SWAP70: variants seen among roughly 807,000 people sequenced by gnomAD.
SWAP70 encodes the protein switch-associated protein 70.
In SWAP70, 34 loss-of-function variants were observed where a neutral mutation model predicts 80.2. The observed-to-expected ratio is 0.42, with a 90% CI of 0.32 to 0.56. The LOEUF is 0.56. SWAP70 is among the 20% of genes least tolerant of loss of function. The pLI is 0.09. For synonymous variants in SWAP70, 239 were observed against 238.5 expected, an observed-to-expected ratio of 1.00 and a Z score of -0.02; for missense variants, 578 against 690.7, an observed-to-expected ratio of 0.84 and a Z score of 1.83.
At position 9,751,538 on chromosome 11, in the gene SWAP70, C is replaced by A. The variant is rs1040250572; in HGVS notation, c.*1568C>A. The A allele has an allele frequency of 6.6e-6, 1 of 152,146 alleles. No homozygotes were observed. The highest frequency in any genetic ancestry group is 2.4e-5 in the African/African-American group (1 of 41,432). The allele number at this position is 152,146 out of a possible 1,614,324, so 9.4% of individuals were successfully genotyped here. A position where few individuals can be genotyped will look rare whatever the true frequency, so the allele number is the denominator to read the frequency against. ...GGGCAGAATTCAGTAGAATAAAGTCCTTTTCTCTTACAGGTATTAAATGAG... is the reference window on the plus strand; with the variant it reads ...GGGCAGAATTCAGTAGAATAAAGTCATTTTCTCTTACAGGTATTAAATGAG... On this transcript the variant is annotated 3_prime_UTR_variant, in exon 12 of 12. Coordinates refer to ENST00000318950, the MANE Select transcript of SWAP70 (RefSeq NM_015055.4).
In SWAP70 at chr11:9,749,171, C is replaced by G; in HGVS notation, c.1639C>G (p.Leu547Val). The G allele has an allele frequency of 6.2e-7, 1 of 1,606,628 alleles. No individual in the cohort carries two copies. Among genetic ancestry groups the G allele is most frequent in the Non-Finnish European group, 8.5e-7 (1 of 1,174,938 alleles). ...GGCCCATCATGAAGGATTAATTCGA[C>G]TGATAGAACCAGGTAACAGACTCTA... ...KVAHHEGLIR[L>V]IEPGSKNPHL... is the part of the protein sequence containing the mutation. Residue 547 changes from leucine to valine, a missense_variant, in exon 11 of 12, where the codon CTG becomes GTG. Leu to Val is a conservative substitution (Grantham distance 32). Transcript: ENST00000318950.
At chr11:9,690,427 A>C (rs2134443861) in intron 1 of SWAP70, among the ~76,000 whole-genome samples, 1 of 152,246 alleles carries the variant, frequency 6.6e-6, no homozygotes, top group South Asian at 2.1e-4. Flanking sequence ...AAAATATAAA[A>C]ATTAGCTGGG....
intron 4 of SWAP70, among the ~76,000 whole-genome samples, chr11:9,725,530 A>AATATATATAT (rs1211819180): frequency 2.5e-4 from 15 of 60,560 alleles, no homozygotes; most frequent in South Asian, 8.4e-4. Flanking sequence ...AAAAATACAA[A>AATATATATAT]ATATATATAT....
rs1413288788 is a variant in SWAP70 at position 9,751,108 on chromosome 11, G to A, written c.*1138G>A. The A allele has an allele frequency of 6.6e-6, 1 of 152,234 alleles. No individual in the cohort carries two copies. Among genetic ancestry groups the A allele is most frequent in the African/African-American group, 2.4e-5 (1 of 41,466 alleles). The allele number at this position is 152,234 out of a possible 1,614,324, so 9.4% of individuals were successfully genotyped here. A position where few individuals can be genotyped will look rare whatever the true frequency, so the allele number is the denominator to read the frequency against. ...AATTATTTGTATAATTAAGAAAGCA[G>A]ATTAGATGCACATGGTCAACAGGAA... is the stretch of plus-strand genomic sequence containing the variant. On this transcript the variant is annotated 3_prime_UTR_variant, in exon 12 of 12. Transcript: ENST00000318950.
At chr11:9,664,525 G>A (rs1249134999) in intron 1 of SWAP70, among the ~76,000 whole-genome samples, 2 of 152,254 alleles carry the variant, frequency 1.3e-5, no homozygotes, top group Non-Finnish European at 2.9e-5. Flanking sequence ...GACTGGGAAG[G>A]GTGGCGGGCA....
chr11:9,713,075 A>G (rs150713665), intron 2 of SWAP70, among the ~76,000 whole-genome samples: 1 of 152,302 alleles, frequency 6.6e-6, no homozygotes, highest in Non-Finnish European at 1.5e-5. Context: ...AGTTTCTTCC[A>G]TGTGCTAGGA....
At chr11:9,672,131 A>G (rs1850422005) in intron 1 of SWAP70, among the ~76,000 whole-genome samples, 2 of 131,500 alleles carry the variant, frequency 1.5e-5, no homozygotes, top group South Asian at 4.4e-4. Context: ...TGTAATTTAA[A>G]TATAATTTAA....
rs190201845 is a variant in SWAP70 at position 9,699,027 on chromosome 11, C to G, written c.240+4741C>G. Among the ~76,000 whole-genome samples, 146 of 152,118 alleles carry G rather than the reference C, an allele frequency of 9.6e-4. 1 individual carries two copies. Among genetic ancestry groups the G allele is most frequent in the African/African-American group, 3.2e-3 (133 of 41,482 alleles). On this transcript the variant is annotated intron_variant, in intron 2 of 11. Coordinates refer to ENST00000318950, the MANE Select transcript of SWAP70 (RefSeq NM_015055.4). ...AATTCGGAAAAAAAGGAAGAAAAACCACATGATAATGAAAGGTAAGATTTA... is the reference window on the plus strand; with the variant it reads ...AATTCGGAAAAAAAGGAAGAAAAACGACATGATAATGAAAGGTAAGATTTA...
chr11:9,717,829 C>T (rs1851085521), intron 3 of SWAP70, among the ~76,000 whole-genome samples: 1 of 145,886 alleles, frequency 6.9e-6, no homozygotes. Flanking sequence ...GTGACCTTGT[C>T]CTGATTTCAG....
intron 2 of SWAP70, among the ~76,000 whole-genome samples, chr11:9,710,306 T>C (rs1048115904): frequency 6.6e-6 from 1 of 152,136 alleles, no homozygotes; most frequent in Non-Finnish European, 1.5e-5. Context: ...GTGATAGTGA[T>C]AAGGCAAAAA....
intron 2 of SWAP70, among the ~76,000 whole-genome samples, chr11:9,696,194 G>A (rs1353265513): frequency 6.6e-6 from 1 of 152,122 alleles, no homozygotes; most frequent in Non-Finnish European, 1.5e-5. Context: ...TGAGGTGCTT[G>A]GAAGTCAAAT....
intron 1 of SWAP70, among the ~76,000 whole-genome samples, chr11:9,665,621 G>C (rs1265883473): frequency 6.6e-6 from 1 of 152,142 alleles, no homozygotes. Context: ...CATGTAAATG[G>C]AGTCATATAG....
At chr11:9,709,142 C>T (rs538985278) in intron 2 of SWAP70, among the ~76,000 whole-genome samples, 162 of 151,660 alleles carry the variant, frequency 1.1e-3, no homozygotes, top group African/African-American at 3.5e-3. Context: ...TTTTCCCCCT[C>T]AGACAGAGTC....
intron 1 of SWAP70, among the ~76,000 whole-genome samples, chr11:9,684,189 C>G (rs535268467): frequency 4.4e-4 from 67 of 152,212 alleles, no homozygotes; most frequent in African/African-American, 1.5e-3. Flanking sequence ...TCAAGTGGTC[C>G]TCCCACCTCA....
rs1851601932 is a variant in SWAP70 at position 9,752,311 on chromosome 11, A to T, written c.*2341A>T. The T allele has an allele frequency of 6.6e-6, 1 of 152,234 alleles. No individual in the cohort carries two copies. The highest frequency in any genetic ancestry group is 1.5e-5 in the Non-Finnish European group (1 of 68,050). 9.4% of individuals were successfully genotyped at this position (152,234 alleles called of 1,614,324 possible). On this transcript the variant is annotated 3_prime_UTR_variant, in exon 12 of 12. Transcript: ENST00000318950. ...CTGCTCTAGCCCTGGGTTCTTGGAGACCTCACACTGCCTGGCCCCTGGCCA... is the reference window on the plus strand; with the variant it reads ...CTGCTCTAGCCCTGGGTTCTTGGAGTCCTCACACTGCCTGGCCCCTGGCCA...
At chr11:9,736,224 A>C in intron 7 of SWAP70, among the ~76,000 whole-genome samples, 1 of 151,932 alleles carries the variant, frequency 6.6e-6, no homozygotes, top group East Asian at 1.9e-4. Flanking sequence ...TCTCTTTATT[A>C]TTCTCTATTT....
intron 10 of SWAP70, among the ~76,000 whole-genome samples, chr11:9,748,853 G>C (rs1590052271): frequency 6.6e-6 from 1 of 152,186 alleles, no homozygotes; most frequent in African/African-American, 2.4e-5. Context: ...GACAGCCTGG[G>C]TTCCAATTCT....
At chr11:9,697,830 A>G (rs892851) in intron 2 of SWAP70, among the ~76,000 whole-genome samples, 102,411 of 152,004 alleles carry the variant, frequency 0.67, 34,803 homozygotes, top group South Asian at 0.85. Context: ...GCATAGGCTG[A>G]AGTGCAGTAA....
At chr11:9,701,691 CTTTTTTTTTT>C (rs1163108695) in intron 2 of SWAP70, among the ~76,000 whole-genome samples, 32 of 68,530 alleles carry the variant, frequency 4.7e-4, no homozygotes, top group Admixed American at 2.8e-3. Flanking sequence ...TTTGTGGGCT[CTTTTTTTTTT>C]TTTTTTTTTT....
Sources: gnomAD v4.1 joint callset for allele counts (sites outside exome capture counted in the v4.1 genomes callset) on GRCh38, gnomAD v4.1.1 for gene constraint, MANE v1.5 for transcripts, NCBI Gene and HGNC (gene_info 2026-07-23, HGNC 2026-07-21) for gene names.